The following GFOD1 variants were observed in gnomAD, a reference collection of about 807,000 sequenced individuals.
GFOD1 encodes glucose-fructose oxidoreductase domain-containing protein 1.
A neutral mutation model predicts 25.4 loss-of-function variants in GFOD1; 9 were observed. The observed-to-expected ratio is 0.35, with a 90% CI of 0.21 to 0.62. GFOD1 has a LOEUF of 0.62. Among genes scored for constraint, GFOD1 ranks in the 20% least tolerant of loss-of-function variants. GFOD1 has a pLI of 0.72. For synonymous variants in GFOD1, 253 were observed against 245.6 expected, an observed-to-expected ratio of 1.03 and a Z score of -0.28; for missense variants, 403 against 556.9, an observed-to-expected ratio of 0.72 and a Z score of 2.78.
intron 1 of GFOD1, among the ~76,000 whole-genome samples, chr6:13,412,837 G>C (rs1355329767): frequency 6.6e-6 from 1 of 152,240 alleles, no homozygotes. Flanking sequence ...ACGGGGTGGA[G>C]AGGGCTCCTC....
intron 1 of GFOD1, chr6:13,407,990 G>T (rs536523153): frequency 4.7e-5 from 46 of 985,242 alleles, no homozygotes; most frequent in Non-Finnish European, 4.9e-5. Flanking sequence ...GCACCCAAAG[G>T]TGGGAGCACT....
chr6:13,381,130 C>CA (rs1785355352), intron 1 of GFOD1, among the ~76,000 whole-genome samples: 2 of 152,182 alleles, frequency 1.3e-5, no homozygotes, highest in South Asian at 4.1e-4. Context: ...GTCATGCTGC[C>CA]CCTGGTGCTG....
intron 1 of GFOD1, among the ~76,000 whole-genome samples, chr6:13,409,789 G>A (rs997498956): frequency 6.6e-6 from 1 of 152,080 alleles, no homozygotes; most frequent in African/African-American, 2.4e-5. Flanking sequence ...AGGCATGGTG[G>A]CACACACCTG....
intron 1 of GFOD1, among the ~76,000 whole-genome samples, chr6:13,366,217 G>C (rs1220452408): frequency 6.6e-6 from 1 of 152,136 alleles, no homozygotes; most frequent in Non-Finnish European, 1.5e-5. Context: ...GAATCTCACT[G>C]TTCCCCAGGC....
At position 13,486,905 on chromosome 6, in the gene GFOD1, G is replaced by A; in HGVS notation, c.-15C>T. ...CCGGGAAGCATGGCTGCTCAGAGCC[G>A]CCTGGTTCTGCTTCTGCTCGGATCT... On this transcript the variant is annotated 5_prime_UTR_variant, in exon 1 of 2. Coordinates refer to ENST00000379287, the MANE Select transcript of GFOD1 (RefSeq NM_018988.4). The A allele has an allele frequency of 1.2e-6, 2 of 1,603,888 alleles. No homozygotes were observed. The highest frequency in any genetic ancestry group is 1.7e-6 in the Non-Finnish European group (2 of 1,178,826).
chr6:13,370,153 G>A (rs1785121756), intron 1 of GFOD1, among the ~76,000 whole-genome samples: 1 of 152,212 alleles, frequency 6.6e-6, no homozygotes, highest in South Asian at 2.1e-4. Context: ...GCCCCAGAGA[G>A]CTGGTAGAAG....
At chr6:13,370,709 TTA>T (rs1242653987) in intron 1 of GFOD1, among the ~76,000 whole-genome samples, 7 of 111,954 alleles carry the variant, frequency 6.3e-5, no homozygotes, top group African/African-American at 2.0e-4. Context: ...GTATATGTGT[TTA>T]TGTGTGTGTG....
At chr6:13,429,429 A>T (rs1382039012) in intron 1 of GFOD1, among the ~76,000 whole-genome samples, 2 of 152,254 alleles carry the variant, frequency 1.3e-5, no homozygotes, top group Non-Finnish European at 2.9e-5. Context: ...ATGCCTATCG[A>T]ATGCAAAGAC....
intron 1 of GFOD1, among the ~76,000 whole-genome samples, chr6:13,379,052 C>G (rs1053704647): frequency 1.3e-5 from 2 of 152,332 alleles, no homozygotes; most frequent in South Asian, 2.1e-4. Context: ...ACATGATTAA[C>G]GTGCTACTGC....
At position 13,365,115 on chromosome 6, in the gene GFOD1, C is replaced by T. The variant is rs771997138; in HGVS notation, c.801G>A (p.Gly267=). 125 of 1,612,740 alleles carry T rather than the reference C, an allele frequency of 7.8e-5. 1 individual carries two copies. Among genetic ancestry groups the T allele is most frequent in the Admixed American group, 1.7e-5 (1 of 59,980 alleles). ...RLLAVGTDLY[G]QRNSAPEQEL... is the part of the protein sequence containing the mutation. ...CCTGCTCCGGGGCGCTGTTGCGCTG[C>T]CCGTACAGGTCGGTGCCCACGGCCA... The change falls in exon 2 of 2, where the codon GGG becomes GGA. Residue 267 remains glycine, a synonymous_variant. Coordinates refer to ENST00000379287, the MANE Select transcript of GFOD1 (RefSeq NM_018988.4). The surrounding 1 kb of genome is among the most constrained non-coding windows in gnomAD (Gnocchi z 9.2).
chr6:13,451,541 G>A (rs572056155), intron 1 of GFOD1, among the ~76,000 whole-genome samples: 25 of 152,286 alleles, frequency 1.6e-4, no homozygotes, highest in African/African-American at 3.8e-4. Context: ...AAAGCCCTCC[G>A]AGTAGCTGTC....
At chr6:13,378,290 G>C (rs1373250897) in intron 1 of GFOD1, among the ~76,000 whole-genome samples, 1 of 152,230 alleles carries the variant, frequency 6.6e-6, no homozygotes, top group Admixed American at 6.5e-5. Flanking sequence ...TGAAACGACT[G>C]AGCCTCAGAA....
At chr6:13,472,499 C>T (rs1758531391) in intron 1 of GFOD1, among the ~76,000 whole-genome samples, 1 of 152,198 alleles carries the variant, frequency 6.6e-6, no homozygotes, top group African/African-American at 2.4e-5. Flanking sequence ...GGTCAACAAC[C>T]TTCTGAGATG....
At position 13,389,966 on chromosome 6, in the gene GFOD1, A is replaced by G. The variant is rs116327961; in HGVS notation, c.254-24304T>C. Reference sequence around the variant, plus strand: ...TCTGCTCAGTCATCAAGTTCAAACAAGTTCAGCCCCCCGTGCACATTCCCA... The same window carrying G: ...TCTGCTCAGTCATCAAGTTCAAACAGGTTCAGCCCCCCGTGCACATTCCCA... On this transcript the variant is annotated intron_variant, in intron 1 of 1. Transcript: ENST00000379287. Among the ~76,000 whole-genome samples, 382 of 152,138 alleles carry G rather than the reference A, an allele frequency of 2.5e-3. 1 individual carries two copies. Among genetic ancestry groups the G allele is most frequent in the African/African-American group, 8.7e-3 (361 of 41,520 alleles).
intron 1 of GFOD1, among the ~76,000 whole-genome samples, chr6:13,444,513 A>C (rs1186673621): frequency 7.2e-5 from 11 of 152,132 alleles, no homozygotes; most frequent in Admixed American, 7.2e-4. Context: ...TTAAAAAAAA[A>C]AGAACCTTTC....
At chr6:13,431,113 T>C (rs1757741675) in intron 1 of GFOD1, among the ~76,000 whole-genome samples, 1 of 152,204 alleles carries the variant, frequency 6.6e-6, no homozygotes, top group Non-Finnish European at 1.5e-5. Context: ...TATGTTATAT[T>C]CTGCAAAGAA....
chr6:13,381,903 A>ACG (rs1785368523), intron 1 of GFOD1, among the ~76,000 whole-genome samples: 2 of 95,548 alleles, frequency 2.1e-5, no homozygotes, highest in African/African-American at 8.5e-5. Flanking sequence ...AATAAAACAC[A>ACG]CACGCGCGCG....
intron 1 of GFOD1, among the ~76,000 whole-genome samples, chr6:13,461,311 C>G (rs138212006): frequency 6.6e-6 from 1 of 152,168 alleles, no homozygotes; most frequent in East Asian, 1.9e-4. Context: ...TGTCATTGAG[C>G]CAGAGCTGCT....
chr6:13,478,295 A>G lies in GFOD1; in HGVS notation c.253+8343T>C, dbSNP rs368962716. ...GCTGGGATTACAGGTGCACAACACC[A>G]CTCCCAGCTAATTTTTATATTTTTA... is the stretch of plus-strand genomic sequence containing the variant. On this transcript the variant is annotated intron_variant, in intron 1 of 1. Transcript: ENST00000379287. Among the ~76,000 whole-genome samples the G allele has an allele frequency of 1.3e-4, 19 of 151,774 alleles. 2 individuals carry two copies. Among genetic ancestry groups the G allele is most frequent in the Admixed American group, 2.6e-4 (4 of 15,244 alleles).
Sources: gnomAD v4.1 joint callset for allele counts (sites outside exome capture counted in the v4.1 genomes callset) on GRCh38, gnomAD v4.1.1 for gene constraint, Gnocchi (gnomAD v3.1) non-coding constraint, MANE v1.5 for transcripts, NCBI Gene and HGNC (gene_info 2026-07-23, HGNC 2026-07-21) for gene names.